PRKG1: variants seen among roughly 807,000 people sequenced by gnomAD.
PRKG1 encodes cGMP-dependent protein kinase 1.
In PRKG1, 35 loss-of-function variants were observed where a neutral mutation model predicts 88.1. That is an observed-to-expected ratio of 0.40 (90% confidence interval 0.30 to 0.53). The LOEUF (loss-of-function observed/expected upper bound fraction) is 0.53. Among genes scored for constraint, PRKG1 ranks in the 20% least tolerant of loss-of-function variants. The pLI is 0.59. For missense variants in PRKG1, 540 were observed against 839.8 expected (o/e 0.64, Z 4.41); for synonymous variants, 303 against 292.5 (o/e 1.04, Z -0.37).
At chr10:51,159,951 A>T (rs1420812950) in intron 2 of PRKG1, among the ~76,000 whole-genome samples, 1 of 105,726 alleles carries the variant, frequency 9.5e-6, no homozygotes, top group Non-Finnish European at 1.8e-5. Flanking sequence ...TGAAATGGGC[A>T]GCCTGATGGT....
At chr10:51,122,019 ATCTGTCGTACC>A (rs1170825856) in intron 1 of PRKG1, among the ~76,000 whole-genome samples, 3 of 152,160 alleles carry the variant, frequency 2.0e-5, no homozygotes, top group Non-Finnish European at 4.4e-5. Context: ...TTGTACGTAC[ATCTGTCGTACC>A]TTCTGCTGTA....
chr10:51,768,672 C>A (rs1169090678), intron 3 of PRKG1, among the ~76,000 whole-genome samples: 1 of 151,910 alleles, frequency 6.6e-6, no homozygotes, highest in East Asian at 1.9e-4. Context: ...CGTCAGATAA[C>A]CCAGGAAGGT....
intron 3 of PRKG1, among the ~76,000 whole-genome samples, chr10:51,794,977 A>C (rs1838972489): frequency 6.6e-6 from 1 of 152,110 alleles, no homozygotes; most frequent in Admixed American, 6.6e-5. Context: ...AACATAACAA[A>C]GTTTCATTAT....
intron 5 of PRKG1, among the ~76,000 whole-genome samples, chr10:51,984,717 A>G (rs552010736): frequency 1.3e-5 from 2 of 152,310 alleles, no homozygotes; most frequent in East Asian, 3.9e-4. Flanking sequence ...TTTTGTGTCT[A>G]TAAAAAATGA....
At chr10:51,052,662 T>C (rs2132770797) in intron 1 of PRKG1, among the ~76,000 whole-genome samples, 1 of 152,358 alleles carries the variant, frequency 6.6e-6, no homozygotes, top group Admixed American at 6.5e-5. Context: ...AGAGAATACA[T>C]GGCTGGTAGA....
chr10:51,743,182 T>C (rs1202645228), intron 3 of PRKG1, among the ~76,000 whole-genome samples: 1 of 152,030 alleles, frequency 6.6e-6, no homozygotes, highest in Non-Finnish European at 1.5e-5. Context: ...ACCGGGCCTA[T>C]TTGAAAGGAA....
intron 4 of PRKG1, among the ~76,000 whole-genome samples, chr10:51,847,206 G>T (rs901601886): frequency 1.3e-5 from 2 of 152,112 alleles, no homozygotes; most frequent in African/African-American, 2.4e-5. Context: ...ATTTCCAAAA[G>T]AATTTAGTCA....
chr10:52,289,082 T>G, intron 16 of PRKG1, 89 bp downstream of exon 16: 1 of 1,277,990 alleles, frequency 7.8e-7, no homozygotes, highest in Non-Finnish European at 1.1e-6. Flanking sequence ...ACTAGTATAA[T>G]TAGCCTATAG....
rs570790426 is a variant in PRKG1 at position 51,981,614 on chromosome 10, T to TA, written c.763-72862dup. On this transcript the variant is annotated intron_variant, in intron 5 of 17. Transcript: ENST00000373980. The stretch of plus-strand genomic sequence containing the variant: ...AAATAAATAAATAAATAGCAAAAAA[T>TA]AAAAAAAAGAATATTTAATACTGGC... Among the ~76,000 whole-genome samples the TA allele has an allele frequency of 2.3e-3, 347 of 151,546 alleles. 2 individuals carry two copies. Among genetic ancestry groups the TA allele is most frequent in the African/African-American group, 7.9e-3 (327 of 41,378 alleles).
intron 2 of PRKG1, among the ~76,000 whole-genome samples, chr10:51,280,403 T>C (rs1447233195): frequency 6.6e-6 from 1 of 152,114 alleles, no homozygotes; most frequent in African/African-American, 2.4e-5. Context: ...TTTCCTGAAT[T>C]TGAATGTTGG....
At chr10:51,929,225 T>A (rs1842638301) in intron 5 of PRKG1, among the ~76,000 whole-genome samples, 1 of 152,178 alleles carries the variant, frequency 6.6e-6, no homozygotes, top group South Asian at 2.1e-4. Flanking sequence ...GGCAAAACCC[T>A]CAGACTTAAC....
intron 9 of PRKG1, among the ~76,000 whole-genome samples, chr10:52,164,225 C>T (rs1461463462): frequency 6.6e-6 from 1 of 151,964 alleles, no homozygotes; most frequent in Non-Finnish European, 1.5e-5. Context: ...GTGGTGGGCA[C>T]CTGTAATCCC....
At position 51,998,250 on chromosome 10, in the gene PRKG1, G is replaced by A. The variant is rs530965326; in HGVS notation, c.763-56234G>A. Among the ~76,000 whole-genome samples the A allele has an allele frequency of 2.0e-5, 3 of 152,030 alleles. No homozygotes were observed. In the South Asian group the frequency reaches 6.2e-4, roughly 32 times the overall value. On this transcript the variant is annotated intron_variant, in intron 5 of 17. Coordinates refer to ENST00000373980, the MANE Select transcript of PRKG1 (RefSeq NM_006258.4). ...TTTTTTTCATAAACTAAGCATTTGA[G>A]TCTACAAAATTCCCTCTCATTGGTG... is the stretch of plus-strand genomic sequence containing the variant.
chr10:51,090,678 A>G (rs1182367426), intron 1 of PRKG1, among the ~76,000 whole-genome samples: 1 of 152,214 alleles, frequency 6.6e-6, no homozygotes, highest in Non-Finnish European at 1.5e-5. Flanking sequence ...GTGCAGATAC[A>G]TGTATGTGAA....
intron 3 of PRKG1, among the ~76,000 whole-genome samples, chr10:51,719,074 A>G (rs1210924402): frequency 6.6e-6 from 1 of 152,138 alleles, no homozygotes; most frequent in South Asian, 2.1e-4. Context: ...ACTTGAGCCC[A>G]AGGAGTTCAA....
intron 12 of PRKG1, among the ~76,000 whole-genome samples, chr10:52,280,237 G>T (rs1310231888): frequency 6.6e-6 from 1 of 152,086 alleles, no homozygotes; most frequent in Non-Finnish European, 1.5e-5. Context: ...TACTTAGCTT[G>T]CATTATGATT....
At chr10:51,943,587 A>C (rs1478056032) in intron 5 of PRKG1, among the ~76,000 whole-genome samples, 1 of 151,908 alleles carries the variant, frequency 6.6e-6, no homozygotes, top group Non-Finnish European at 1.5e-5. Context: ...ATTGGCTGTG[A>C]GTTTGTCATA....
At chr10:51,423,256 C>T (rs148311610) in intron 2 of PRKG1, among the ~76,000 whole-genome samples, 159 of 152,260 alleles carry the variant, frequency 1.0e-3, no homozygotes, top group Middle Eastern at 3.4e-3. Context: ...GCAGTAGTTA[C>T]GCAATCTCTT....
At chr10:51,374,151 GGTTT>G (rs1842768773) in intron 2 of PRKG1, among the ~76,000 whole-genome samples, 3 of 145,754 alleles carry the variant, frequency 2.1e-5, no homozygotes, top group African/African-American at 7.5e-5. Context: ...AAAACATGCA[GGTTT>G]GTTACATAGG....
Sources: allele counts gnomAD v4.1 joint callset (sites outside exome capture counted in the v4.1 genomes callset), GRCh38; gene constraint gnomAD v4.1.1; transcripts MANE v1.5; gene names NCBI Gene and HGNC (gene_info 2026-07-23, HGNC 2026-07-21).